Variants in TEP1 observed in about 807,000 individuals in gnomAD.
TEP1 encodes the protein telomerase associated protein 1.
In TEP1, 241 loss-of-function variants were observed where a neutral mutation model predicts 306.3. The observed-to-expected ratio is 0.79, with a 90% CI of 0.71 to 0.88. The LOEUF is 0.88. TEP1 is among the 40% of genes least tolerant of loss of function. The pLI is 0.00. For synonymous variants in TEP1, 1,289 were observed against 1,305.5 expected (o/e 0.99, Z 0.27); for missense variants, 3,051 against 3,276.1 (o/e 0.93, Z 1.68).
At position 20,413,479 on chromosome 14, in the gene TEP1, G is replaced by C. The variant is rs1478546630; in HGVS notation, c.-99C>G. On this transcript the variant is annotated 5_prime_UTR_variant, in exon 1 of 55. Transcript: ENST00000262715. ...CTGCCGGTGGGAAGGGTGGCAGCCG[G>C]GGGAGGAGCCGGATGCGGATCTGAG... 4 of 152,394 alleles carry C rather than the reference G, an allele frequency of 2.6e-5. No individual in the cohort carries two copies. Among genetic ancestry groups the C allele is most frequent in the Non-Finnish European group, 4.4e-5 (3 of 68,166 alleles). The allele number at this position is 152,394 out of a possible 1,614,324, so 9.4% of individuals were successfully genotyped here.
chr14:20,379,208 A>G lies in TEP1; in HGVS notation c.5128-103T>C, dbSNP rs911622933. Reference sequence around the variant, plus strand: ...AAAAGAAGGCCAAGGCACAAAGGCCATGAGTCCTTGGCTCTCTATGTTCCA... The same window carrying G: ...AAAAGAAGGCCAAGGCACAAAGGCCGTGAGTCCTTGGCTCTCTATGTTCCA... On this transcript the variant is annotated intron_variant, in intron 35 of 54. Coordinates refer to ENST00000262715, the MANE Select transcript of TEP1 (RefSeq NM_007110.5). 5 of 1,455,478 alleles carry G rather than the reference A, an allele frequency of 3.4e-6. No individual in the cohort carries two copies. In the South Asian group the frequency reaches 4.0e-5, roughly 12 times the overall value. The allele number at this position is 1,455,478 out of a possible 1,614,324, so 90.2% of individuals were successfully genotyped here.
chr14:20,384,796 T>C, intron 21 of TEP1, 83 bp from the exon 22 acceptor site: 1 of 1,504,088 alleles, frequency 6.6e-7, no homozygotes. Context: ...ATAGCTGTAA[T>C]TTCCTGAAGC....
chr14:20,378,670 G>A, intron 37 of TEP1, 84 bp downstream of exon 37: 1 of 1,576,416 alleles, frequency 6.3e-7, no homozygotes, highest in East Asian at 2.2e-5. Context: ...GGAGTCAGCA[G>A]CCTCTGCCGC....
chr14:20,403,294 A>G (rs1411275333), intron 7 of TEP1, 83 bp downstream of exon 7: 12 of 1,527,264 alleles, frequency 7.9e-6, no homozygotes, highest in Middle Eastern at 3.5e-4. Context: ...AAGTATTTTC[A>G]ACCCTAATAG....
chr14:20,383,155 C>T lies in TEP1; in HGVS notation c.4047+19G>A, dbSNP rs1016366320. The T allele has an allele frequency of 1.4e-5, 22 of 1,566,394 alleles. No homozygotes were observed. The highest frequency in any genetic ancestry group is 2.7e-5 in the African/African-American group (2 of 73,466). On this transcript the variant is annotated intron_variant, in intron 27 of 54. Coordinates refer to ENST00000262715, the MANE Select transcript of TEP1 (RefSeq NM_007110.5). ...CAGATTCACCCCACACACCCACCGG[C>T]CCCGGCCTAGAACCCAACCTGGTTG...
intron 52 of TEP1, 26 bp downstream of exon 52, chr14:20,369,648 C>T: frequency 6.2e-7 from 1 of 1,613,140 alleles, no homozygotes; most frequent in Non-Finnish European, 8.5e-7. Context: ...TCTCCCGGCT[C>T]CTCAGGTCCT....
chr14:20,405,302 G>T (rs1879087590), intron 4 of TEP1, 149 bp downstream of exon 4: 1 of 1,043,260 alleles, frequency 9.6e-7, no homozygotes, highest in Non-Finnish European at 1.4e-6. Flanking sequence ...GAACCACAGG[G>T]ACTAGGCCGC....
At chr14:20,378,626 C>T in intron 37 of TEP1, 91 bp from the exon 38 acceptor site, 2 of 1,594,386 alleles carry the variant, frequency 1.3e-6, no homozygotes, top group East Asian at 2.2e-5. Flanking sequence ...GTCCAGTTAC[C>T]CTGCCCTCAG....
At chr14:20,378,711 A>G in intron 37 of TEP1, 43 bp downstream of exon 37, 1 of 1,604,266 alleles carries the variant, frequency 6.2e-7, no homozygotes, top group South Asian at 1.1e-5. Context: ...AGGGTGAGTC[A>G]TGGCTCAGGG....
intron 6 of TEP1, 56 bp downstream of exon 6, chr14:20,403,667 G>A (rs1878938600): frequency 1.9e-6 from 3 of 1,610,612 alleles, no homozygotes; most frequent in African/African-American, 2.7e-5. Flanking sequence ...ATGCTCCCTT[G>A]TCCTGCCCTT....
At position 20,384,702 on chromosome 14, in the gene TEP1, T is replaced by A; in HGVS notation, c.3119A>T (p.Asp1040Val). ...AGAAACAAAGTCAGATTTCCAGGCA[T>A]CTGGCACAGAGCTGACCACCAAAGA... Reference protein sequence around the residue: ...RDSSFLSSVPDAWKSDFVSES... With the variant: ...RDSSFLSSVPVAWKSDFVSES... Residue 1040 changes from aspartate (D) to valine (V), a missense_variant, in exon 22 of 55, where the codon GAT becomes GTT. By Grantham distance (152) the Asp-to-Val change is radical. Around this residue, in one of 3 missense-constraint regions of TEP1, gnomAD observed 1,507 missense variants for 1,550.5 expected, o/e 0.97. Coordinates refer to ENST00000262715, the MANE Select transcript of TEP1 (RefSeq NM_007110.5). 6.2e-7 allele frequency: 1 copy of A among 1,611,260 alleles called. No homozygotes were observed. Among genetic ancestry groups the A allele is most frequent in the Non-Finnish European group, 8.5e-7 (1 of 1,180,004 alleles).
rs771613327 is a variant in TEP1, at chr14:20,371,640, A to T, written c.7077-8T>A. 1 of 1,566,404 alleles carries T rather than the reference A, an allele frequency of 6.4e-7. No homozygotes were observed. Among genetic ancestry groups the T allele is most frequent in the South Asian group, 1.2e-5 (1 of 82,460 alleles). Reference sequence around the variant, plus strand: ...ATTCGGTTCAGGTGAAGACTAGCTCAAAAAAGTACATGGACAGAGAAAGAT... The same window carrying T: ...ATTCGGTTCAGGTGAAGACTAGCTCTAAAAAGTACATGGACAGAGAAAGAT... On this transcript the variant is annotated splice_region_variant and splice_polypyrimidine_tract_variant and intron_variant, in intron 49 of 54. Coordinates refer to ENST00000262715, the MANE Select transcript of TEP1 (RefSeq NM_007110.5).
chr14:20,377,442 C>A lies in TEP1; in HGVS notation c.5926G>T (p.Ala1976Ser), dbSNP rs1248740822. 19 of 1,614,018 alleles carry A rather than the reference C, an allele frequency of 1.2e-5. No homozygotes were observed. Among genetic ancestry groups the A allele is most frequent in the Non-Finnish European group, 8.5e-7 (1 of 1,180,026 alleles). The change falls in exon 41 of 55, where the codon GCC becomes TCC. Residue 1976 changes from alanine to serine, a missense_variant. Around this residue, in one of 3 missense-constraint regions of TEP1, gnomAD observed 1,540 missense variants for 1,705.9 expected, o/e 0.90. Coordinates refer to ENST00000262715, the MANE Select transcript of TEP1 (RefSeq NM_007110.5). ...QALDVAVSAL[A>S]WLSPKVLVSG... ...ACCAATACCTTGGGGCTTAGCCAGG[C>A]CAGGGCGGACACTGCCACATCCAGT... is the stretch of plus-strand genomic sequence containing the variant.
chr14:20,386,412 C>T (rs1369967884), intron 19 of TEP1, 35 bp downstream of exon 19: 3 of 1,580,594 alleles, frequency 1.9e-6, no homozygotes, highest in South Asian at 2.3e-5. Context: ...GCCCCTCATC[C>T]CCGACCCAGC....
intron 5 of TEP1, 146 bp downstream of exon 5, chr14:20,404,465 T>C: frequency 1.0e-6 from 1 of 971,672 alleles, no homozygotes; most frequent in Non-Finnish European, 1.4e-6. Flanking sequence ...CCCAGCCTAG[T>C]GGAGGGAGAA....
rs1884927639 is a variant in TEP1 at position 20,372,812 on chromosome 14, A to C, written c.6997T>G (p.Phe2333Val). Residue 2333 changes from phenylalanine to valine, a missense_variant, in exon 49 of 55, where the codon TTT becomes GTT. Coordinates refer to ENST00000262715, the MANE Select transcript of TEP1 (RefSeq NM_007110.5). ...GALIWSSAHT[F>V]FVLSADEKIS... ...TTCTCATCAGCACTGAGGACAAAAAAGGTGTGTGCCGAGGACCAGATCAGA... is the reference window on the plus strand; with the variant it reads ...TTCTCATCAGCACTGAGGACAAAAACGGTGTGTGCCGAGGACCAGATCAGA... 6.2e-7 allele frequency: 1 copy of C among 1,614,186 alleles called. No individual in the cohort carries two copies. Among genetic ancestry groups the C allele is most frequent in the Non-Finnish European group, 8.5e-7 (1 of 1,180,028 alleles).
Position 20,389,694 on chromosome 14 carries a change from A to G in TEP1, c.2381T>C (p.Ile794Thr), listed in dbSNP as rs900108992. 12 of 1,614,134 alleles carry G rather than the reference A, an allele frequency of 7.4e-6. No homozygotes were observed. The highest frequency in any genetic ancestry group is 1.0e-5 in the Non-Finnish European group (12 of 1,180,046). ...CCAGTAAAGCTGTTTGGCCACATTT[A>G]TCATTCCATCATCCATGCTTTGGCC... ...LLGQSMDDGM[I>T]NVAKQLYWQR... The change falls in exon 16 of 55, where the codon ATA (isoleucine) becomes ACA (threonine). Residue 794 changes from isoleucine (I) to threonine (T), a missense_variant. This residue lies in a region of TEP1 where 1,507 missense variants were observed against 1,550.5 expected (regional missense o/e 0.97). Coordinates refer to ENST00000262715, the MANE Select transcript of TEP1 (RefSeq NM_007110.5).
In TEP1 at chr14:20,377,885, GCGGCAC is replaced by G. The variant is rs1885286878; in HGVS notation, c.5721+133_5722-133del. 4.3e-5 allele frequency: 63 copies of G among 1,457,134 alleles called. 1 individual carries two copies. In the South Asian group the frequency reaches 7.8e-4, roughly 18 times the overall value. 90.3% of individuals were successfully genotyped at this position (1,457,134 alleles called of 1,614,324 possible). On this transcript the variant is annotated intron_variant, in intron 39 of 54. Coordinates refer to ENST00000262715, the MANE Select transcript of TEP1 (RefSeq NM_007110.5). ...CTCATGAGAGCTGCCCCTGCACACA[GCGGCAC>G]CCCTCTCCCCGTGGTTCCTGCAATC...
At position 20,367,094 on chromosome 14, in the gene TEP1, TGGCTCACGC is replaced by T. The variant is rs1884511460; in HGVS notation, c.*1334_*1342del. 6.6e-6 allele frequency: 1 copy of T among 152,238 alleles called. No homozygotes were observed. Among genetic ancestry groups the T allele is most frequent in the Non-Finnish European group, 1.5e-5 (1 of 68,042 alleles). The allele number at this position is 152,238 out of a possible 1,614,324, so 9.4% of individuals were successfully genotyped here. On this transcript the variant is annotated 3_prime_UTR_variant, in exon 55 of 55. Transcript: ENST00000262715. ...AAGTTCTTTTATGGGCCGGGCACAA[TGGCTCACGC>T]CTGTAATCCCAGAACTTTAAGAGGC...
Sources: gnomAD v4.1 joint callset for allele counts on GRCh38, gnomAD v4.1.1 for gene constraint, gnomAD v4.1.1 regional missense constraint, MANE v1.5 for transcripts, NCBI Gene and HGNC (gene_info 2026-07-23, HGNC 2026-07-21) for gene names.